The following PAXBP1 variants were observed in gnomAD, a reference collection of about 807,000 sequenced individuals.
PAXBP1 encodes PAX3- and PAX7-binding protein 1.
PAXBP1 carries 44 observed loss-of-function variants against 119.9 expected under a neutral mutation model. The observed-to-expected ratio is 0.37, with a 90% CI of 0.29 to 0.47. The LOEUF (loss-of-function observed/expected upper bound fraction) is 0.47, where lower values mean the gene tolerates loss of function less well. Among genes scored for constraint, PAXBP1 ranks in the 20% least tolerant of loss-of-function variants. The pLI, the probability that PAXBP1 is intolerant of heterozygous loss-of-function variation, is 0.99. For synonymous variants in PAXBP1, 393 were observed against 406.6 expected (o/e 0.97, Z 0.40); for missense variants, 898 against 1,134.1 (o/e 0.79, Z 2.99).
intron 4 of PAXBP1, 115 bp downstream of exon 4, chr21:32,761,981 A>T: frequency 9.6e-7 from 1 of 1,043,916 alleles, no homozygotes; most frequent in Non-Finnish European, 1.4e-6. Context: ...AAGACACTGC[A>T]GTGAGCTATG....
At chr21:32,746,681 T>A (rs533074600) in intron 11 of PAXBP1, among the ~76,000 whole-genome samples, 1 of 152,198 alleles carries the variant, frequency 6.6e-6, no homozygotes, top group East Asian at 1.9e-4. Flanking sequence ...GTGTGCCAAT[T>A]CCTCACAGAT....
rs1370287241 is a variant in PAXBP1, at chr21:32,748,538, G to A, written c.1884C>T (p.Pro628=). 1.2e-6 allele frequency: 2 copies of A among 1,613,886 alleles called. No individual in the cohort carries two copies. Among genetic ancestry groups the A allele is most frequent in the Non-Finnish European group, 1.7e-6 (2 of 1,179,946 alleles). Residue 628 remains proline, a synonymous_variant, in exon 11 of 18, where the codon CCC becomes CCT. Transcript: ENST00000331923. The stretch of plus-strand genomic sequence containing the variant: ...AAGTGAGGAGCTGAAGTCGTATGAG[G>A]GGGTTGAATAATTTTGGCAAACAAA... The part of the protein sequence containing the change: ...IGLCLPKLFN[P]LIRLQLLTWT...
In PAXBP1 at chr21:32,755,396, T is replaced by C. The variant is rs375516277; in HGVS notation, c.1384-43A>G. 1.3e-4 allele frequency: 206 copies of C among 1,590,566 alleles called. No homozygotes were observed. The African/African-American group carries it at 2.5e-3, about 19-fold the overall frequency. ...ACTCCGTAACACCAAACTCCTCAGC[T>C]GCTTATTTATTTGAGGGTTCCATAC... On this transcript the variant is annotated intron_variant, in intron 7 of 17. Coordinates refer to ENST00000331923, the MANE Select transcript of PAXBP1 (RefSeq NM_016631.4).
chr21:32,744,260 TAAA>T (rs762993580), intron 13 of PAXBP1, among the ~76,000 whole-genome samples: 2 of 57,572 alleles, frequency 3.5e-5, no homozygotes, highest in Non-Finnish European at 7.0e-5. Context: ...GCTGATGAGC[TAAA>T]AAAAAAAAAA....
chr21:32,738,707 G>C (rs1354138440), intron 15 of PAXBP1, among the ~76,000 whole-genome samples: 1 of 151,992 alleles, frequency 6.6e-6, no homozygotes, highest in African/African-American at 2.4e-5. Context: ...GGGAGAGTCT[G>C]ACTACAACCC....
chr21:32,738,898 C>T (rs1202087289), intron 15 of PAXBP1, among the ~76,000 whole-genome samples: 1 of 152,242 alleles, frequency 6.6e-6, no homozygotes, highest in Non-Finnish European at 1.5e-5. Flanking sequence ...AATGGTAACA[C>T]TATTCAACCA....
intron 2 of PAXBP1, among the ~76,000 whole-genome samples, chr21:32,765,629 A>G (rs1455906090): frequency 6.6e-6 from 1 of 152,186 alleles, no homozygotes; most frequent in Non-Finnish European, 1.5e-5. Flanking sequence ...CTTAAGTAAC[A>G]GTCCCAGAGA....
chr21:32,744,931 G>T lies in PAXBP1; in HGVS notation c.2069-18C>A. On this transcript the variant is annotated intron_variant, in intron 12 of 17. Coordinates refer to ENST00000331923, the MANE Select transcript of PAXBP1 (RefSeq NM_016631.4). ...AGCTATCACTATTAAGAAAAAAAGA[G>T]GATTGAGACACAGAAGCCAATTGTA... The T allele has an allele frequency of 6.3e-7, 1 of 1,592,644 alleles. No homozygotes were observed. Among genetic ancestry groups the T allele is most frequent in the Non-Finnish European group, 8.5e-7 (1 of 1,173,844 alleles).
intron 9 of PAXBP1, 24 bp downstream of exon 9, chr21:32,751,095 C>A (rs1272546208): frequency 3.1e-6 from 5 of 1,613,090 alleles, no homozygotes; most frequent in Non-Finnish European, 4.2e-6. Flanking sequence ...CCAAACAAGC[C>A]AGAGCAAGGG....
intron 6 of PAXBP1, 164 bp from the exon 7 acceptor site, chr21:32,759,433 A>T (rs1316587572): frequency 1.3e-6 from 1 of 789,420 alleles, no homozygotes; most frequent in East Asian, 2.8e-5. Flanking sequence ...AAAAACAAAA[A>T]ATGGCAGTTT....
At chr21:32,744,270 A>G (rs914619400) in intron 13 of PAXBP1, among the ~76,000 whole-genome samples, 4 of 151,480 alleles carry the variant, frequency 2.6e-5, no homozygotes, top group Non-Finnish European at 5.9e-5. Flanking sequence ...TAAAAAAAAA[A>G]AAAAAAGAAA....
Position 32,769,879 on chromosome 21 carries a change from T to C in PAXBP1, c.407A>G (p.Lys136Arg), listed in dbSNP as rs758753293. 1 of 1,593,464 alleles carries C rather than the reference T, an allele frequency of 6.3e-7. No individual in the cohort carries two copies. The highest frequency in any genetic ancestry group is 1.2e-5 in the South Asian group (1 of 86,956). ...SYSKKIVKLL[K>R]KEYKEDLEKS... ...TTCAAGATCTTCTTTATATTCCTTCTTGAGCAATTTTACTATCTTTTTGCT... is the reference window on the plus strand; with the variant it reads ...TTCAAGATCTTCTTTATATTCCTTCCTGAGCAATTTTACTATCTTTTTGCT... The change falls in exon 2 of 18, where the codon AAG (lysine) becomes AGG (arginine). Residue 136 changes from lysine to arginine, a missense_variant. Physicochemically the swap from Lys to Arg is conservative, Grantham distance 26 (BLOSUM62 2). Around this residue, in one of 2 missense-constraint regions of PAXBP1, gnomAD observed 299 missense variants for 281.4 expected, o/e 1.06. Transcript: ENST00000331923.
At chr21:32,750,661 A>C (rs1289307429) in intron 10 of PAXBP1, among the ~76,000 whole-genome samples, 1 of 152,214 alleles carries the variant, frequency 6.6e-6, no homozygotes, top group African/African-American at 2.4e-5. Context: ...CCAGTCACTT[A>C]AAATTCTACC....
chr21:32,763,814 C>T (rs1214966503), intron 3 of PAXBP1, among the ~76,000 whole-genome samples: 5 of 151,938 alleles, frequency 3.3e-5, no homozygotes, highest in Admixed American at 2.0e-4. Flanking sequence ...GGAGAAACCC[C>T]ATCTCTACTA....
At chr21:32,751,506 C>G (rs2043958197) in intron 8 of PAXBP1, 1 of 251,860 alleles carries the variant, frequency 4.0e-6, no homozygotes, top group South Asian at 5.8e-5. Context: ...AGTAACAGGA[C>G]AGCTATCAGG....
intron 11 of PAXBP1, among the ~76,000 whole-genome samples, chr21:32,747,392 G>A (rs141879738): frequency 1.3e-3 from 201 of 152,298 alleles, no homozygotes; most frequent in Non-Finnish European, 2.2e-3. Flanking sequence ...AGCTCAGGAA[G>A]GCTGACACAG....
intron 2 of PAXBP1, among the ~76,000 whole-genome samples, chr21:32,765,704 C>T (rs1328879453): frequency 1.3e-5 from 2 of 150,510 alleles, no homozygotes; most frequent in Non-Finnish European, 3.0e-5. Flanking sequence ...TAGGCTCTTT[C>T]ATTTTTTTTC....
At chr21:32,758,785 G>T (rs901391970) in intron 7 of PAXBP1, among the ~76,000 whole-genome samples, 13 of 151,728 alleles carry the variant, frequency 8.6e-5, no homozygotes, top group African/African-American at 3.1e-4. Context: ...TATATTCTAA[G>T]AATTCAGCAC....
intron 3 of PAXBP1, among the ~76,000 whole-genome samples, chr21:32,763,983 G>A (rs1044272062): frequency 1.6e-5 from 2 of 123,122 alleles, no homozygotes; most frequent in African/African-American, 3.2e-5. Context: ...GGGAAACTCC[G>A]CCTCAAAAAG....
Sources: allele counts gnomAD v4.1 joint callset (sites outside exome capture counted in the v4.1 genomes callset), GRCh38; gene constraint gnomAD v4.1.1; regional missense constraint gnomAD v4.1.1; transcripts MANE v1.5; gene names NCBI Gene and HGNC (gene_info 2026-07-23, HGNC 2026-07-21).